LINGO2: variants seen among roughly 807,000 people sequenced by gnomAD.
The protein encoded by LINGO2 is leucine-rich repeat and immunoglobulin-like domain-containing nogo receptor-interacting protein 2.
LINGO2 carries 14 observed loss-of-function variants against 30.6 expected under a neutral mutation model. That is an observed-to-expected ratio of 0.46 (90% CI 0.30 to 0.72). LINGO2 has a LOEUF of 0.72. Among genes scored for constraint, LINGO2 ranks in the 30% least tolerant of loss-of-function variants. The pLI, the probability that LINGO2 is intolerant of heterozygous loss-of-function variation, is 0.07. For missense variants in LINGO2, 729 were observed against 751.7 expected (o/e 0.97, Z 0.35); for synonymous variants, 317 against 288.5 (o/e 1.10, Z -1.00).
chr9:28,496,689 G>A (rs566296479), intron 1 of LINGO2, among the ~76,000 whole-genome samples: 11 of 152,240 alleles, frequency 7.2e-5, no homozygotes, highest in Middle Eastern at 3.4e-3. Context: ...GTGTGAATTT[G>A]ATCCTGTCAT....
chr9:28,275,897 A>G (rs1398145856), intron 4 of LINGO2, among the ~76,000 whole-genome samples: 2 of 152,194 alleles, frequency 1.3e-5, no homozygotes, highest in Non-Finnish European at 2.9e-5. Context: ...AATCAAGTAG[A>G]GCAAAATTAG....
chr9:29,170,504 G>A, the LINGO2 span, among the ~76,000 whole-genome samples: 44 of 151,972 alleles, frequency 2.9e-4, no homozygotes, highest in African/African-American at 9.7e-4. Context: ...TACTATTCAG[G>A]TAAACAGTAC....
At chr9:28,680,820 T>C in the LINGO2 span, among the ~76,000 whole-genome samples, 1 of 152,120 alleles carries the variant, frequency 6.6e-6, no homozygotes, top group Admixed American at 6.6e-5. Flanking sequence ...TCAGGTTATT[T>C]GTTGTCCTGC....
At chr9:28,561,180 T>G (rs181712031) in intron 1 of LINGO2, among the ~76,000 whole-genome samples, 1 of 151,992 alleles carries the variant, frequency 6.6e-6, no homozygotes, top group African/African-American at 2.4e-5. Flanking sequence ...TCTTACCATA[T>G]GCACTCTGCC....
Position 28,059,806 on chromosome 9 carries a change from G to T in LINGO2, c.-86-47401C>A, listed in dbSNP as rs186428341. The stretch of plus-strand genomic sequence containing the variant: ...CAATGCCATTCTGAAGAAATTACTT[G>T]AAGGAAAGGATACTGGATTGACGCT... On this transcript the variant is annotated intron_variant, in intron 4 of 5. Coordinates refer to ENST00000379992, the Ensembl canonical transcript of LINGO2. Among the ~76,000 whole-genome samples the T allele has an allele frequency of 2.2e-3, 328 of 152,124 alleles. 11 individuals are homozygous for T. The South Asian group carries it at 0.046, about 21-fold the overall frequency.
At chr9:28,669,080 AT>A (rs1430208199) in intron 1 of LINGO2, among the ~76,000 whole-genome samples, 1 of 151,936 alleles carries the variant, frequency 6.6e-6, no homozygotes, top group Non-Finnish European at 1.5e-5. Flanking sequence ...AAATATATTT[AT>A]TTTTTATATT....
At chr9:27,985,653 G>C (rs188972418) in intron 5 of LINGO2, among the ~76,000 whole-genome samples, 1 of 148,158 alleles carries the variant, frequency 6.7e-6, no homozygotes, top group Non-Finnish European at 1.5e-5. Flanking sequence ...TTTTCAATTA[G>C]GGTTTATTAT....
intron 4 of LINGO2, among the ~76,000 whole-genome samples, chr9:28,029,887 G>A (rs993115238): frequency 6.6e-6 from 1 of 152,138 alleles, no homozygotes; most frequent in Admixed American, 6.5e-5. Flanking sequence ...AAGGTTATAG[G>A]TCAGAAAGGC....
At chr9:28,793,024 A>C in the LINGO2 span, among the ~76,000 whole-genome samples, 1 of 152,144 alleles carries the variant, frequency 6.6e-6, no homozygotes, top group African/African-American at 2.4e-5. Flanking sequence ...ACCAGTACTA[A>C]AGATACACAC....
chr9:28,434,529 C>A (rs183386399), intron 2 of LINGO2, among the ~76,000 whole-genome samples: 254 of 130,964 alleles, frequency 1.9e-3, no homozygotes, highest in African/African-American at 6.4e-3. Flanking sequence ...TCTTGAGCAT[C>A]AAAAAAAAAA....
the LINGO2 span, among the ~76,000 whole-genome samples, chr9:28,825,272 T>C: frequency 6.6e-6 from 1 of 151,894 alleles, no homozygotes; most frequent in Non-Finnish European, 1.5e-5. Context: ...TATAACTGAG[T>C]GAAGCTGCAG....
At chr9:28,664,657 C>A (rs1828720570) in intron 1 of LINGO2, among the ~76,000 whole-genome samples, 1 of 152,044 alleles carries the variant, frequency 6.6e-6, no homozygotes, top group South Asian at 2.1e-4. Flanking sequence ...TCGCACAGAA[C>A]CAAGGAATCT....
the LINGO2 span, among the ~76,000 whole-genome samples, chr9:29,008,278 A>G: frequency 6.6e-6 from 1 of 152,188 alleles, no homozygotes. Context: ...ATGGCTGCAC[A>G]GTATTCCATG....
At chr9:29,045,634 T>C in the LINGO2 span, among the ~76,000 whole-genome samples, 1 of 151,856 alleles carries the variant, frequency 6.6e-6, no homozygotes, top group African/African-American at 2.4e-5. Flanking sequence ...GGGTTCTACT[T>C]TGGTTTCATA....
chr9:28,313,800 T>G (rs1824724498), intron 3 of LINGO2, among the ~76,000 whole-genome samples: 1 of 152,224 alleles, frequency 6.6e-6, no homozygotes, highest in Non-Finnish European at 1.5e-5. Context: ...AGAAGTCCTA[T>G]CCACATTATT....
intron 1 of LINGO2, among the ~76,000 whole-genome samples, chr9:28,642,709 A>G (rs528272945): frequency 6.6e-6 from 1 of 152,268 alleles, no homozygotes; most frequent in Admixed American, 6.5e-5. Context: ...AGATATGACA[A>G]GTGGCTTATG....
At chr9:28,214,061 A>T (rs1564049679) in intron 4 of LINGO2, among the ~76,000 whole-genome samples, 1 of 151,598 alleles carries the variant, frequency 6.6e-6, no homozygotes, top group East Asian at 1.9e-4. Flanking sequence ...ATATTTTCCT[A>T]CTTGAACAAA....
At chr9:28,568,044 G>C (rs986166931) in intron 1 of LINGO2, among the ~76,000 whole-genome samples, 2 of 152,000 alleles carry the variant, frequency 1.3e-5, no homozygotes, top group East Asian at 1.9e-4. Flanking sequence ...AAATAGCAGG[G>C]AACTGAAGTA....
chr9:28,191,615 A>G (rs113418254), intron 4 of LINGO2, among the ~76,000 whole-genome samples: 6 of 152,094 alleles, frequency 3.9e-5, no homozygotes, highest in African/African-American at 1.4e-4. Context: ...ATATTTAATG[A>G]GCATCTATTA....
Sources: allele counts gnomAD v4.1 joint callset (sites outside exome capture counted in the v4.1 genomes callset), GRCh38; gene constraint gnomAD v4.1.1; transcripts MANE v1.5; gene names NCBI Gene and HGNC (gene_info 2026-07-23, HGNC 2026-07-21).